PLCB1: variants seen among roughly 807,000 people sequenced by gnomAD.
PLCB1 encodes 1-phosphatidylinositol 4,5-bisphosphate phosphodiesterase beta-1.
PLCB1 carries 46 observed loss-of-function variants against 161.8 expected under a neutral mutation model. The observed-to-expected ratio is 0.28, with a 90% CI of 0.22 to 0.36. The LOEUF (loss-of-function observed/expected upper bound fraction) is 0.36. PLCB1 is among the 10% of genes least tolerant of loss of function. The probability of loss-of-function intolerance (pLI) is 1.00; values close to 1 mark genes in which losing one functional copy is unlikely to be tolerated. For synonymous variants in PLCB1, 517 were observed against 503.7 expected, an observed-to-expected ratio of 1.03 and a Z score of -0.35; for missense variants, 1,016 against 1,472.5, an observed-to-expected ratio of 0.69 and a Z score of 5.07.
intron 2 of PLCB1, among the ~76,000 whole-genome samples, chr20:8,174,020 T>C (rs1166706246): frequency 2.6e-5 from 4 of 152,160 alleles, no homozygotes; most frequent in African/African-American, 9.7e-5. Flanking sequence ...ACAAAATTTC[T>C]AAGATTTCTA....
intron 14 of PLCB1, among the ~76,000 whole-genome samples, chr20:8,719,310 A>G (rs931254503): frequency 6.6e-6 from 1 of 152,200 alleles, no homozygotes; most frequent in African/African-American, 2.4e-5. Flanking sequence ...ATTCCTAGGT[A>G]TATGCTTGCT....
chr20:8,626,892 T>C (rs1430513858), intron 3 of PLCB1, among the ~76,000 whole-genome samples: 1 of 152,246 alleles, frequency 6.6e-6, no homozygotes, highest in Non-Finnish European at 1.5e-5. Context: ...AAAACATTCA[T>C]TCTTCCCGAA....
chr20:8,696,725 AATTT>A (rs968355617), intron 10 of PLCB1, among the ~76,000 whole-genome samples: 6 of 151,798 alleles, frequency 4.0e-5, no homozygotes. Context: ...GTTTAATTTA[AATTT>A]ATTTATTTAT....
chr20:8,821,616 G>A (rs1359800827), intron 31 of PLCB1, among the ~76,000 whole-genome samples: 5 of 145,312 alleles, frequency 3.4e-5, no homozygotes, highest in African/African-American at 7.6e-5. Context: ...TCAGTTTACT[G>A]TAAGAATAAT....
intron 2 of PLCB1, among the ~76,000 whole-genome samples, chr20:8,159,052 G>A (rs1266720263): frequency 6.6e-6 from 1 of 152,170 alleles, no homozygotes; most frequent in Non-Finnish European, 1.5e-5. Flanking sequence ...CCACTAGGCA[G>A]TGCCCCAGTT....
At chr20:8,458,524 G>A (rs768834898) in intron 3 of PLCB1, among the ~76,000 whole-genome samples, 1 of 152,116 alleles carries the variant, frequency 6.6e-6, no homozygotes, top group South Asian at 2.1e-4. Context: ...GATTTCAAGA[G>A]AAAGCATACT....
At chr20:8,708,078 C>T (rs6133608) in intron 11 of PLCB1, among the ~76,000 whole-genome samples, 10,987 of 151,866 alleles carry the variant, frequency 0.072, 753 homozygotes, top group African/African-American at 0.18. Flanking sequence ...CTTTTTGAGG[C>T]GATAAAAATG....
At chr20:8,347,054 A>T (rs1986021929) in intron 2 of PLCB1, among the ~76,000 whole-genome samples, 1 of 152,220 alleles carries the variant, frequency 6.6e-6, no homozygotes, top group Admixed American at 6.5e-5. Flanking sequence ...AACTATGGAA[A>T]TAAATAGCCC....
intron 3 of PLCB1, among the ~76,000 whole-genome samples, chr20:8,578,613 C>T (rs1312483344): frequency 3.3e-5 from 5 of 152,190 alleles, no homozygotes; most frequent in Admixed American, 6.5e-5. Flanking sequence ...AGAGTACAGA[C>T]GATAGATGGA....
At chr20:8,546,734 G>A (rs1001636374) in intron 3 of PLCB1, among the ~76,000 whole-genome samples, 4 of 151,910 alleles carry the variant, frequency 2.6e-5, no homozygotes, top group African/African-American at 4.8e-5. Flanking sequence ...GTTGTGTTCT[G>A]GATGTTTTTC....
chr20:8,729,232 C>G, intron 18 of PLCB1, 58 bp downstream of exon 18: 1 of 1,449,666 alleles, frequency 6.9e-7, no homozygotes, highest in Non-Finnish European at 9.2e-7. Context: ...TGTCCAAAAA[C>G]CATTCTTACA....
At chr20:8,641,568 C>A (rs1456099826) in intron 4 of PLCB1, among the ~76,000 whole-genome samples, 1 of 152,238 alleles carries the variant, frequency 6.6e-6, no homozygotes, top group South Asian at 2.1e-4. Flanking sequence ...ACTCTCCCCT[C>A]TTCTGGTCAT....
chr20:8,375,433 CATAAA>C (rs1237896927), intron 3 of PLCB1, among the ~76,000 whole-genome samples: 1 of 152,224 alleles, frequency 6.6e-6, no homozygotes, highest in East Asian at 1.9e-4. Context: ...GTGCAGCTTT[CATAAA>C]ATAAAATAAA....
intron 2 of PLCB1, among the ~76,000 whole-genome samples, chr20:8,273,952 C>T (rs1281044409): frequency 6.6e-6 from 1 of 152,028 alleles, no homozygotes. Flanking sequence ...TCAGAAGATG[C>T]AAATGTATCT....
intron 31 of PLCB1, among the ~76,000 whole-genome samples, chr20:8,808,443 G>A (rs1183121655): frequency 2.0e-5 from 3 of 152,086 alleles, no homozygotes; most frequent in Non-Finnish European, 4.4e-5. Flanking sequence ...CTACTCATAG[G>A]AGCTCATTTA....
intron 3 of PLCB1, among the ~76,000 whole-genome samples, chr20:8,477,357 G>A (rs1302805765): frequency 6.6e-6 from 1 of 152,166 alleles, no homozygotes; most frequent in African/African-American, 2.4e-5. Flanking sequence ...CCAGGTATTA[G>A]GACCAAAGGA....
intron 3 of PLCB1, among the ~76,000 whole-genome samples, chr20:8,496,698 C>A (rs186305460): frequency 5.3e-5 from 8 of 152,250 alleles, no homozygotes; most frequent in Admixed American, 5.2e-4. Context: ...GGCCATCATA[C>A]ATAGGTGGAA....
intron 3 of PLCB1, among the ~76,000 whole-genome samples, chr20:8,417,048 C>CATATATAT (rs1568667905): frequency 1.8e-5 from 1 of 55,804 alleles, no homozygotes; most frequent in African/African-American, 6.7e-5. Context: ...CACACACACA[C>CATATATAT]ACACACATAT....
At chr20:8,755,003 G>A (rs1981669754) in intron 23 of PLCB1, among the ~76,000 whole-genome samples, 1 of 152,156 alleles carries the variant, frequency 6.6e-6, no homozygotes, top group Non-Finnish European at 1.5e-5. Context: ...CCCATCAGAA[G>A]TAGTCATTTT....
Sources: allele counts gnomAD v4.1 joint callset (sites outside exome capture counted in the v4.1 genomes callset), GRCh38; gene constraint gnomAD v4.1.1; transcripts MANE v1.5; gene names NCBI Gene and HGNC (gene_info 2026-07-23, HGNC 2026-07-21).